The following NUP160 variants were observed in gnomAD, a reference collection of about 807,000 sequenced individuals.
The protein encoded by NUP160 is nuclear pore complex protein Nup160.
Under a neutral mutation model 196.9 loss-of-function variants are expected in NUP160, and 94 were observed. The ratio of observed to expected loss-of-function variants is 0.48; its 90% CI spans 0.40 to 0.57. NUP160 has a LOEUF of 0.57. Ranked by LOEUF, NUP160 falls within the 20% of genes least tolerant of loss-of-function variation. The probability of loss-of-function intolerance (pLI) is 0.00; values close to 1 mark genes in which losing one functional copy is unlikely to be tolerated. For synonymous variants in NUP160, 605 were observed against 619.7 expected (o/e 0.98, Z 0.35); for missense variants, 1,638 against 1,748.3 (o/e 0.94, Z 1.13).
Position 47,801,849 on chromosome 11 carries a change from C to T in NUP160, c.2857G>A (p.Glu953Lys), listed in dbSNP as rs1391312169. 1 of 1,613,368 alleles carries T rather than the reference C, an allele frequency of 6.2e-7. No individual in the cohort carries two copies. Among genetic ancestry groups the T allele is most frequent in the Non-Finnish European group, 8.5e-7 (1 of 1,179,504 alleles). ...TGCAGCCTGGGGGTAGACACGATCT[C>T]CCCATCCTCTGAGCGAATCAAGCGA... Residue 953 changes from glutamate (E) to lysine (K), a missense_variant, in exon 23 of 36, where the codon GAG (glutamate) becomes AAG (lysine). This residue lies in a region of NUP160 where 1,345 missense variants were observed against 1,470.2 expected (regional missense o/e 0.91). Coordinates refer to ENST00000378460, the Ensembl canonical transcript of NUP160.
exon 15 of NUP160, chr11:47,812,912 T>C: frequency 1.2e-6 from 2 of 1,613,536 alleles, no homozygotes; most frequent in Middle Eastern, 1.6e-4. Context: ...TTCCAGAATC[T>C]GCTCTGCAGC....
chr11:47,822,814 G>A (rs938901677), intron 7 of NUP160, among the ~76,000 whole-genome samples: 21 of 152,142 alleles, frequency 1.4e-4, no homozygotes, highest in Admixed American at 1.0e-3. Flanking sequence ...GTGAGAACAC[G>A]TGGTGTTTGG....
At chr11:47,794,189 T>C (rs1449408714) in intron 27 of NUP160, among the ~76,000 whole-genome samples, 1 of 152,182 alleles carries the variant, frequency 6.6e-6, no homozygotes, top group East Asian at 1.9e-4. Flanking sequence ...ACTCCCAAAC[T>C]GTACACTTAA....
exon 22 of NUP160, chr11:47,803,529 A>C: frequency 6.3e-7 from 1 of 1,597,062 alleles, no homozygotes; most frequent in Non-Finnish European, 8.6e-7. Context: ...TAGCAGTTGA[A>C]TATAATCCTT....
chr11:47,802,977 C>T (rs899951841), intron 22 of NUP160, among the ~76,000 whole-genome samples: 1 of 151,936 alleles, frequency 6.6e-6, no homozygotes, highest in Non-Finnish European at 1.5e-5. Context: ...CAGAGCAAGA[C>T]CCTGTCTAAA....
exon 36 of NUP160, chr11:47,778,278 TTTA>T (rs1202060098): frequency 6.6e-6 from 1 of 152,532 alleles, no homozygotes; most frequent in Admixed American, 6.6e-5. Context: ...CCAAGATGAT[TTTA>T]TTATTTTTCA....
chr11:47,796,827 A>G (rs2097671133), intron 27 of NUP160, among the ~76,000 whole-genome samples: 1 of 152,050 alleles, frequency 6.6e-6, no homozygotes, highest in Non-Finnish European at 1.5e-5. Flanking sequence ...AGAGTAGCTG[A>G]GATTACAGGC....
intron 2 of NUP160, among the ~76,000 whole-genome samples, chr11:47,841,060 A>G (rs930492867): frequency 7.2e-5 from 11 of 152,202 alleles, no homozygotes; most frequent in Admixed American, 7.2e-4. Context: ...ATGCGCTTAC[A>G]TGTATGTGCA....
At chr11:47,806,003 G>A in intron 20 of NUP160, 150 bp downstream of exon 20, 1 of 652,826 alleles carries the variant, frequency 1.5e-6, no homozygotes, top group African/African-American at 1.8e-5. Flanking sequence ...TAGTAGAGGT[G>A]GGGTTTCACC....
At chr11:47,788,648 T>A (rs141561991) in intron 29 of NUP160, 37 bp from the exon 30 acceptor site, 2 of 1,300,434 alleles carry the variant, frequency 1.5e-6, no homozygotes, top group Non-Finnish European at 2.2e-6. Flanking sequence ...ACTCCCAAAA[T>A]ACAAAGAAGT....
At chr11:47,822,120 A>T (rs1275687434) in exon 8 of NUP160, 2 of 1,611,424 alleles carry the variant, frequency 1.2e-6, no homozygotes, top group South Asian at 2.2e-5. Context: ...TATGATCGAG[A>T]CTATAGCGAT....
intron 7 of NUP160, among the ~76,000 whole-genome samples, chr11:47,833,726 G>C (rs554974195): frequency 1.3e-5 from 2 of 152,186 alleles, no homozygotes; most frequent in South Asian, 4.1e-4. Flanking sequence ...TACTCTGGGA[G>C]GCCGAAGTGG....
chr11:47,841,644 G>A, intron 2 of NUP160: 1 of 397,682 alleles, frequency 2.5e-6, no homozygotes, highest in Non-Finnish European at 5.0e-6. Flanking sequence ...TCTAGTTCGA[G>A]AGATTGAGGG....
At position 47,845,738 on chromosome 11, in the gene NUP160, AC is replaced by A. The variant is rs1474905929; in HGVS notation, c.314+2109del. On this transcript the variant is annotated intron_variant, in intron 2 of 35. Coordinates refer to ENST00000378460, the Ensembl canonical transcript of NUP160. ...GTTTTCTTAAAAGAGATGGGGTCTT[AC>A]CCTTTTTCCCACCTGGAGTGCAGTG... Among the ~76,000 whole-genome samples, 3 of 152,156 alleles carry A rather than the reference AC, an allele frequency of 2.0e-5. No individual in the cohort carries two copies. The South Asian group carries it at 6.2e-4, about 32-fold the overall frequency.
chr11:47,780,314 C>G (rs748502561), intron 35 of NUP160, 29 bp downstream of exon 35: 2 of 1,455,666 alleles, frequency 1.4e-6, no homozygotes, highest in Non-Finnish European at 1.9e-6. Flanking sequence ...GGGGCTTACA[C>G]AAGACGTCTC....
In NUP160 at chr11:47,823,180, AG is replaced by A. The variant is rs145369837; in HGVS notation, c.1102-1017del. On this transcript the variant is annotated intron_variant, in intron 7 of 35. Transcript: ENST00000378460. ...TTTTTCTTTTTCACCCACACAGGCC[AG>A]GTAGAACCACTTTATTTTAATGTAG... is the stretch of plus-strand genomic sequence containing the variant. Among the ~76,000 whole-genome samples the A allele has an allele frequency of 3.7e-3, 560 of 152,328 alleles. 2 individuals carry two copies. Among genetic ancestry groups the A allele is most frequent in the Non-Finnish European group, 6.0e-3 (408 of 68,032 alleles).
rs2097660134 is a variant in NUP160 at position 47,780,569 on chromosome 11, G to A, written c.4117-122C>T. On this transcript the variant is annotated intron_variant, in intron 34 of 35. Coordinates refer to ENST00000378460, the Ensembl canonical transcript of NUP160. ...TTTTTTTTTTTTTTGAGATGGTCTTGTTCTGTCGCCCAGGCTGAGTGCAGT... is the reference window on the plus strand; with the variant it reads ...TTTTTTTTTTTTTTGAGATGGTCTTATTCTGTCGCCCAGGCTGAGTGCAGT... The A allele has an allele frequency of 5.8e-6, 3 of 514,070 alleles. No homozygotes were observed. The Admixed American group carries it at 1.0e-4, about 17-fold the overall frequency. The allele number at this position is 514,070 out of a possible 1,614,324, so 31.8% of individuals were successfully genotyped here.
At chr11:47,822,629 T>C (rs889671369) in intron 7 of NUP160, among the ~76,000 whole-genome samples, 3 of 152,130 alleles carry the variant, frequency 2.0e-5, no homozygotes, top group Non-Finnish European at 1.5e-5. Flanking sequence ...ACGTGCAGGT[T>C]TGTTACATAT....
At chr11:47,792,789 T>C (rs2097668589) in exon 28 of NUP160, 5 of 1,608,756 alleles carry the variant, frequency 3.1e-6, no homozygotes, top group Non-Finnish European at 4.2e-6. Flanking sequence ...TTCATACCAC[T>C]GCACCAGACA....
Sources: gnomAD v4.1 joint callset for allele counts (sites outside exome capture counted in the v4.1 genomes callset) on GRCh38, gnomAD v4.1.1 for gene constraint, gnomAD v4.1.1 regional missense constraint, MANE v1.5 for transcripts, NCBI Gene and HGNC (gene_info 2026-07-23, HGNC 2026-07-21) for gene names.